Variants in IQCM observed in about 807,000 individuals in gnomAD.
The protein encoded by IQCM is IQ domain-containing protein M.
Under a neutral mutation model 57.6 loss-of-function variants are expected in IQCM, and 45 were observed. The ratio of observed to expected loss-of-function variants is 0.78; its 90% confidence interval spans 0.62 to 1.00. IQCM has a LOEUF of 1.00. Ranked by LOEUF, IQCM falls within the 50% of genes least tolerant of loss-of-function variation. The probability of loss-of-function intolerance (pLI) is 0.00; values close to 1 mark genes in which losing one functional copy is unlikely to be tolerated. For missense variants in IQCM, 468 were observed against 511.6 expected (o/e 0.91, Z 0.82); for synonymous variants, 148 against 158.9 (o/e 0.93, Z 0.51).
chr4:149,497,746 TTAAA>T (rs1336907501), intron 12 of IQCM, among the ~76,000 whole-genome samples: 6 of 62,726 alleles, frequency 9.6e-5, no homozygotes, highest in Admixed American at 2.1e-4. Context: ...GTATTTCACT[TTAAA>T]AAAAAAAAAA....
At chr4:149,752,942 C>A (rs1768594946) in intron 2 of IQCM, among the ~76,000 whole-genome samples, 1 of 152,176 alleles carries the variant, frequency 6.6e-6, no homozygotes, top group African/African-American at 2.4e-5. Flanking sequence ...CACACCAACA[C>A]TGACTCAGAA....
intron 12 of IQCM, among the ~76,000 whole-genome samples, chr4:149,514,078 G>A (rs1744700597): frequency 6.6e-6 from 1 of 151,914 alleles, no homozygotes; most frequent in African/African-American, 2.4e-5. Flanking sequence ...TTGAAAAAGA[G>A]AAGAGAAGAA....
intron 12 of IQCM, among the ~76,000 whole-genome samples, chr4:149,536,417 T>A (rs924604777): frequency 2.6e-5 from 4 of 152,044 alleles, no homozygotes; most frequent in African/African-American, 9.7e-5. Context: ...GAAATTCTAA[T>A]CTGCTTTGCA....
At chr4:149,753,531 T>C (rs1334496727) in intron 2 of IQCM, among the ~76,000 whole-genome samples, 1 of 151,540 alleles carries the variant, frequency 6.6e-6, no homozygotes, top group Non-Finnish European at 1.5e-5. Context: ...CAGAAGTTGA[T>C]GAAATGAGAT....
chr4:149,611,749 C>T lies in IQCM; in HGVS notation c.681+9380G>A, dbSNP rs550952356. On this transcript the variant is annotated intron_variant, in intron 8 of 13. Transcript: ENST00000636793. ...GGGTACAAAAATATAGTTAGACAGA[C>T]GGAATAAGATCTAGTGTTCAGTAGA... Among the ~76,000 whole-genome samples the T allele has an allele frequency of 2.6e-4, 40 of 151,516 alleles. No individual in the cohort carries two copies. In the South Asian group the frequency reaches 5.6e-3, roughly 21 times the overall value.
rs529871026 is a variant in IQCM, at chr4:149,616,520, T to C, written c.681+4609A>G. 9.2e-5 allele frequency among the ~76,000 whole-genome samples: 14 copies of C among 152,236 alleles called. No individual in the cohort carries two copies. In the South Asian group the frequency reaches 2.9e-3, roughly 32 times the overall value. ...TCTGGAGATGGATAGTAATGATGGT[T>C]ACACACAATGTGATTGTGATAAATG... On this transcript the variant is annotated intron_variant, in intron 8 of 13. Coordinates refer to ENST00000636793, the MANE Select transcript of IQCM (RefSeq NM_001363507.2).
chr4:149,587,733 T>C (rs1423745983), intron 9 of IQCM, among the ~76,000 whole-genome samples, 197 bp downstream of exon 9: 1 of 151,824 alleles, frequency 6.6e-6, no homozygotes, highest in Non-Finnish European at 1.5e-5. Flanking sequence ...ACTAACTGAT[T>C]ACTAAAACAC....
chr4:149,557,374 T>A (rs887952118), intron 10 of IQCM, among the ~76,000 whole-genome samples: 1 of 152,188 alleles, frequency 6.6e-6, no homozygotes, highest in Non-Finnish European at 1.5e-5. Flanking sequence ...GATGTCCAAT[T>A]TTGGGTAATT....
chr4:149,593,197 T>C lies in IQCM; in HGVS notation c.682-5200A>G, dbSNP rs576201952. 2.0e-5 allele frequency among the ~76,000 whole-genome samples: 3 copies of C among 152,204 alleles called. No individual in the cohort carries two copies. In the South Asian group the frequency reaches 6.2e-4, roughly 32 times the overall value. On this transcript the variant is annotated intron_variant, in intron 8 of 13. Coordinates refer to ENST00000636793, the MANE Select transcript of IQCM (RefSeq NM_001363507.2). ...TATCCCTTGTAATTGGATTCCTAGGTATTTTATTCTCTTTGAAGCAATTGT... is the reference window on the plus strand; with the variant it reads ...TATCCCTTGTAATTGGATTCCTAGGCATTTTATTCTCTTTGAAGCAATTGT...
At chr4:149,722,282 G>A (rs566310469) in intron 5 of IQCM, among the ~76,000 whole-genome samples, 1 of 151,944 alleles carries the variant, frequency 6.6e-6, no homozygotes, top group East Asian at 1.9e-4. Flanking sequence ...TTTCAGGACA[G>A]CAGTTTTTTA....
rs370889274 is a variant in IQCM at position 149,550,714 on chromosome 4, G to A, written c.1094-2125C>T. On this transcript the variant is annotated intron_variant, in intron 11 of 13. Transcript: ENST00000636793. ...TTGAAAGATGCTTAAAAAGTGTATA[G>A]GTAACTGCCAAATATCACCCAATTA... is the stretch of plus-strand genomic sequence containing the variant. 4.1e-4 allele frequency among the ~76,000 whole-genome samples: 63 copies of A among 152,176 alleles called. 1 individual carries two copies. In the East Asian group the frequency reaches 9.5e-3, roughly 23 times the overall value.
At chr4:149,700,410 C>CA (rs906742596) in intron 5 of IQCM, among the ~76,000 whole-genome samples, 3 of 151,848 alleles carry the variant, frequency 2.0e-5, no homozygotes, top group Non-Finnish European at 4.4e-5. Context: ...GTCACCCCCC[C>CA]ACACATACAC....
At chr4:149,766,707 CCCAACTGTTACT>C (rs1770094434) in intron 2 of IQCM, among the ~76,000 whole-genome samples, 1 of 152,020 alleles carries the variant, frequency 6.6e-6, no homozygotes, top group Non-Finnish European at 1.5e-5. Context: ...TAACAAATGA[CCCAACTGTTACT>C]ATTTTGCAAT....
At chr4:149,568,996 GT>G (rs1460947682) in intron 9 of IQCM, among the ~76,000 whole-genome samples, 1 of 152,090 alleles carries the variant, frequency 6.6e-6, no homozygotes, top group African/African-American at 2.4e-5. Flanking sequence ...AAGTGATAAT[GT>G]GCCAGTTCTA....
intron 5 of IQCM, among the ~76,000 whole-genome samples, chr4:149,728,209 A>C (rs1294066142): frequency 6.6e-6 from 1 of 152,180 alleles, no homozygotes; most frequent in Admixed American, 6.5e-5. Flanking sequence ...GTCATTGAAA[A>C]TGGTTTTGCA....
chr4:149,428,519 G>A (rs1352665891), intron 13 of IQCM, among the ~76,000 whole-genome samples: 2 of 151,646 alleles, frequency 1.3e-5, no homozygotes, highest in East Asian at 1.9e-4. Flanking sequence ...AATAATCTAC[G>A]CATAGCCTTT....
chr4:149,601,688 GTA>G (rs1754307772), intron 8 of IQCM, among the ~76,000 whole-genome samples: 1 of 152,092 alleles, frequency 6.6e-6, no homozygotes, highest in African/African-American at 2.4e-5. Flanking sequence ...TTTTATGAAA[GTA>G]TATGTTTTAG....
chr4:149,589,277 G>C (rs1214839478), intron 8 of IQCM, among the ~76,000 whole-genome samples: 3 of 151,938 alleles, frequency 2.0e-5, no homozygotes, highest in Non-Finnish European at 4.4e-5. Flanking sequence ...GCTCTAAGAA[G>C]TCAGTAACAA....
chr4:149,456,540 C>T (rs886178438), intron 12 of IQCM, among the ~76,000 whole-genome samples: 10 of 152,126 alleles, frequency 6.6e-5, no homozygotes, highest in African/African-American at 2.4e-4. Flanking sequence ...AAAGTTTTGA[C>T]TGCATTTTGA....
Sources: gnomAD v4.1 joint callset for allele counts (sites outside exome capture counted in the v4.1 genomes callset) on GRCh38, gnomAD v4.1.1 for gene constraint, MANE v1.5 for transcripts, NCBI Gene and HGNC (gene_info 2026-07-23, HGNC 2026-07-21) for gene names.